Variants in CEP131 observed in about 807,000 individuals in gnomAD.
CEP131 encodes the protein centrosomal protein 131, also known as centrosomal protein of 131 kDa.
Under a neutral mutation model 136.8 loss-of-function variants are expected in CEP131, and 99 were observed. That is an observed-to-expected ratio of 0.72 (90% CI 0.62 to 0.86). The LOEUF (loss-of-function observed/expected upper bound fraction) is 0.86. Ranked by LOEUF, CEP131 falls within the 40% of genes least tolerant of loss-of-function variation. The probability of loss-of-function intolerance (pLI) is 0.00; values close to 1 mark genes in which losing one functional copy is unlikely to be tolerated. For missense variants in CEP131, 1,459 were observed against 1,463.0 expected (o/e 1.00, Z 0.04); for synonymous variants, 646 against 612.7 (o/e 1.05, Z -0.80).
At position 81,199,487 on chromosome 17, in the gene CEP131, A is replaced by C. The variant is rs746587672; in HGVS notation, c.1086T>G (p.Pro362=). Residue 362 remains proline (P), a synonymous_variant, in exon 10 of 26, where the codon CCT becomes CCG. Coordinates refer to ENST00000450824, the MANE Select transcript of CEP131 (RefSeq NM_014984.4). ...GCACTCTGGTCTCCCTGGGATTCTC[A>C]GGTGGCCCACGCTCGGCAGTGCTCG... is the stretch of plus-strand genomic sequence containing the variant. ...QKASTAERGP[P]ENPRETRVPG... 4 of 1,609,100 alleles carry C rather than the reference A, an allele frequency of 2.5e-6. No homozygotes were observed. The African/African-American group carries it at 4.0e-5, about 16-fold the overall frequency.
At position 81,203,192 on chromosome 17, in the gene CEP131, C is replaced by T. The variant is rs762026137; in HGVS notation, c.629+302G>A. Among the ~76,000 whole-genome samples the T allele has an allele frequency of 1.3e-5, 2 of 152,146 alleles. No homozygotes were observed. Among genetic ancestry groups the T allele is most frequent in the Non-Finnish European group, 2.9e-5 (2 of 68,020 alleles). On this transcript the variant is annotated intron_variant, in intron 6 of 25. Transcript: ENST00000450824. The surrounding 1 kb of genome is among the most constrained non-coding windows in gnomAD (Gnocchi z 4.6). ...CCCCACCTCAGGGTGAGCCCCAGAC[C>T]TCACTGTGCCACATCTGGGCTGTTT... is the stretch of plus-strand genomic sequence containing the variant.
chr17:81,217,381 A>G (rs2062271015), intron 2 of CEP131, among the ~76,000 whole-genome samples: 1 of 151,948 alleles, frequency 6.6e-6, no homozygotes, highest in African/African-American at 2.4e-5. Context: ...AAGGTCTCCG[A>G]GCCAGGGGAC....
Position 81,192,351 on chromosome 17 carries a change from C to T in CEP131, c.2589G>A (p.Arg863=), listed in dbSNP as rs1434570727. The T allele has an allele frequency of 1.9e-6, 3 of 1,583,974 alleles. No individual in the cohort carries two copies. Among genetic ancestry groups the T allele is most frequent in the Non-Finnish European group, 2.6e-6 (3 of 1,166,478 alleles). Residue 863 remains arginine, a synonymous_variant, in exon 21 of 26, where the codon AGG becomes AGA. Transcript: ENST00000450824. ...NTLKQQLELE[R]QAWEAGRTRK... is the part of the protein sequence containing the mutation. Reference sequence around the variant, plus strand: ...TGGTGCGGCCGGCCTCCCACGCCTGCCTCTCCAGCTCCAGCTGCTGCTTCA... The same window carrying T: ...TGGTGCGGCCGGCCTCCCACGCCTGTCTCTCCAGCTCCAGCTGCTGCTTCA...
At position 81,203,331 on chromosome 17, in the gene CEP131, C is replaced by T. The variant is rs1441336838; in HGVS notation, c.629+163G>A. Among the ~76,000 whole-genome samples, 1 of 152,176 alleles carries T rather than the reference C, an allele frequency of 6.6e-6. No homozygotes were observed. The highest frequency in any genetic ancestry group is 1.5e-5 in the Non-Finnish European group (1 of 68,030). On this transcript the variant is annotated intron_variant, in intron 6 of 25. Coordinates refer to ENST00000450824, the MANE Select transcript of CEP131 (RefSeq NM_014984.4). The surrounding 1 kb of genome is among the most constrained non-coding windows in gnomAD (Gnocchi z 4.6). The stretch of plus-strand genomic sequence containing the variant: ...TACGTGCACTGACCACGTGCCCTGA[C>T]CGAGGTTGGACCCCATGCACACTGA...
At position 81,215,734 on chromosome 17, in the gene CEP131, A is replaced by G. The variant is rs1425136948; in HGVS notation, c.177+4146T>C. Among the ~76,000 whole-genome samples the G allele has an allele frequency of 6.6e-6, 1 of 152,060 alleles. No homozygotes were observed. Among genetic ancestry groups the G allele is most frequent in the African/African-American group, 2.4e-5 (1 of 41,414 alleles). ...GCCCCCCTTTCAAAATTTTAAATGGACTTATGCTCTGACCCAGTAGTTATC... is the reference window on the plus strand; with the variant it reads ...GCCCCCCTTTCAAAATTTTAAATGGGCTTATGCTCTGACCCAGTAGTTATC... On this transcript the variant is annotated intron_variant, in intron 2 of 25. Coordinates refer to ENST00000450824, the MANE Select transcript of CEP131 (RefSeq NM_014984.4). This position sits in a 1 kb window ranked among gnomAD's most constrained non-coding sequence, Gnocchi z 4.1.
At chr17:81,205,085 C>T (rs1487032630) in intron 5 of CEP131, among the ~76,000 whole-genome samples, 1 of 151,806 alleles carries the variant, frequency 6.6e-6, no homozygotes, top group Non-Finnish European at 1.5e-5. Flanking sequence ...ATAGCGAAAC[C>T]CCGTCTCTAC....
rs1199968691 is a variant in CEP131 at position 81,196,796 on chromosome 17, C to T, written c.1804G>A (p.Val602Ile). The T allele has an allele frequency of 6.3e-7, 1 of 1,589,564 alleles. No homozygotes were observed. Among genetic ancestry groups the T allele is most frequent in the East Asian group, 2.3e-5 (1 of 43,868 alleles). ...AQQRDLTARR[V>I]KETEKALSRQ... Reference sequence around the variant, plus strand: ...CTCAGCGCCTTCTCTGTCTCCTTGACCCGCCGGGCCGTGAGGTCTCGCTGC... The same window carrying T: ...CTCAGCGCCTTCTCTGTCTCCTTGATCCGCCGGGCCGTGAGGTCTCGCTGC... Residue 602 changes from valine (V) to isoleucine (I), a missense_variant, in exon 15 of 26, where the codon GTC becomes ATC. Val to Ile is a conservative substitution (Grantham distance 29). Around this residue, in one of 3 missense-constraint regions of CEP131, gnomAD observed 1,026 missense variants for 964.2 expected, o/e 1.06. Coordinates refer to ENST00000450824, the MANE Select transcript of CEP131 (RefSeq NM_014984.4).
chr17:81,201,196 G>A (rs1239114625), intron 7 of CEP131, among the ~76,000 whole-genome samples: 1 of 152,224 alleles, frequency 6.6e-6, no homozygotes, highest in Non-Finnish European at 1.5e-5. Context: ...TCTGCCCCGG[G>A]CAGAACTGGG....
In CEP131 at chr17:81,203,272, G is replaced by T. The variant is rs1458414544; in HGVS notation, c.629+222C>A. Among the ~76,000 whole-genome samples the T allele has an allele frequency of 6.6e-6, 1 of 152,218 alleles. No homozygotes were observed. The highest frequency in any genetic ancestry group is 6.5e-5 in the Admixed American group (1 of 15,286). On this transcript the variant is annotated intron_variant, in intron 6 of 25. Coordinates refer to ENST00000450824, the MANE Select transcript of CEP131 (RefSeq NM_014984.4). This position sits in a 1 kb window ranked among gnomAD's most constrained non-coding sequence, Gnocchi z 4.6. ...ACAGAAGAGGGCGGCGGACGTGGAT[G>T]GGGAGCCCGGTTCACAGCTGCTCCA...
chr17:81,193,706 G>T (rs530800137), intron 18 of CEP131, among the ~76,000 whole-genome samples: 7 of 152,336 alleles, frequency 4.6e-5, no homozygotes, highest in East Asian at 1.9e-4. Flanking sequence ...AGAACCTGCA[G>T]ACCTCGGCGG....
In CEP131 at chr17:81,198,226, G is replaced by A. The variant is rs1168161741; in HGVS notation, c.1359C>T (p.Ser453=). ...GCAGCAGCTCCTCCAGTGGCCCCCT[G>A]GACTTGGCGCTCCCCCTGCTCGGGG... The part of the protein sequence containing the change: ...MMAPSRGSAK[S]RGPLEELLHT... Residue 453 remains serine, a synonymous_variant, in exon 12 of 26, where the codon TCC becomes TCT. Coordinates refer to ENST00000450824, the MANE Select transcript of CEP131 (RefSeq NM_014984.4). The A allele has an allele frequency of 6.2e-7, 1 of 1,601,126 alleles. No homozygotes were observed. The highest frequency in any genetic ancestry group is 2.3e-5 in the East Asian group (1 of 44,116).
chr17:81,190,802 C>G lies in CEP131; in HGVS notation c.2944G>C (p.Val982Leu), dbSNP rs750388036. ...CGCTCGCTAGAAAGCTGCTCGTTCA[C>G]CTGGGTGGGCACAGAAGGCAGTGAG... ...KERALEDAQA[V>L]NEQLSSERSN... The change falls in exon 24 of 26, where the codon GTG (valine) becomes CTG (leucine). Residue 982 changes from valine to leucine, a missense_variant and splice_region_variant. Val to Leu is a conservative substitution (Grantham distance 32). Coordinates refer to ENST00000450824, the MANE Select transcript of CEP131 (RefSeq NM_014984.4). 6.2e-7 allele frequency: 1 copy of G among 1,605,972 alleles called. No individual in the cohort carries two copies. The highest frequency in any genetic ancestry group is 8.5e-7 in the Non-Finnish European group (1 of 1,175,604).
intron 6 of CEP131, among the ~76,000 whole-genome samples, chr17:81,202,978 AT>A (rs34781811): frequency 0.43 from 64,258 of 150,172 alleles, 14,019 homozygotes; most frequent in Non-Finnish European, 0.48. Flanking sequence ...AAAAAAAAAA[AT>A]TCCATTGAGA....
intron 2 of CEP131, among the ~76,000 whole-genome samples, chr17:81,218,712 A>T (rs560306663): frequency 8.5e-5 from 13 of 152,250 alleles, no homozygotes; most frequent in African/African-American, 3.1e-4. Flanking sequence ...CTTACCCCGG[A>T]ACTCGGCTAG....
chr17:81,200,799 C>A (rs2061874407), intron 7 of CEP131, among the ~76,000 whole-genome samples: 1 of 152,228 alleles, frequency 6.6e-6, no homozygotes, highest in African/African-American at 2.4e-5. Context: ...ACCCTACCCA[C>A]AGGCAACAGG....
In CEP131 at chr17:81,189,648, G is replaced by C; in HGVS notation, c.*121C>G. 1.0e-6 allele frequency: 1 copy of C among 1,002,816 alleles called. No individual in the cohort carries two copies. Among genetic ancestry groups the C allele is most frequent in the Non-Finnish European group, 1.5e-6 (1 of 684,598 alleles). The allele number at this position is 1,002,816 out of a possible 1,614,324, so 62.1% of individuals were successfully genotyped here. ...AAAATGCAGCCACAGGTGCTTAGCCGTGGGCATCTCAACCACCAGCCTCTG... is the reference window on the plus strand; with the variant it reads ...AAAATGCAGCCACAGGTGCTTAGCCCTGGGCATCTCAACCACCAGCCTCTG... On this transcript the variant is annotated 3_prime_UTR_variant, in exon 26 of 26. Coordinates refer to ENST00000450824, the MANE Select transcript of CEP131 (RefSeq NM_014984.4).
intron 16 of CEP131, among the ~76,000 whole-genome samples, chr17:81,195,221 G>A (rs529671760): frequency 9.5e-4 from 144 of 152,364 alleles, no homozygotes; most frequent in Non-Finnish European, 1.8e-3. Context: ...TCAGCCTGCA[G>A]AGGCCTTGCC....
intron 2 of CEP131, among the ~76,000 whole-genome samples, chr17:81,212,332 A>AAAAAAG (rs1555614922): frequency 6.6e-6 from 1 of 150,912 alleles, no homozygotes; most frequent in Non-Finnish European, 1.5e-5. Flanking sequence ...AAAAAAAAAA[A>AAAAAAG]AAAAGAAAAG....
chr17:81,190,722 A>G lies in CEP131; in HGVS notation c.3024T>C (p.Ser1008=), dbSNP rs568563543. Reference sequence around the variant, plus strand: ...CCTTGGCCTGCCGCGTCTCCTCCTCAGAGGCTGCCAGCCGGTCCTCGAACT... The same window carrying G: ...CCTTGGCCTGCCGCGTCTCCTCCTCGGAGGCTGCCAGCCGGTCCTCGAACT... ...RQEFEDRLAA[S]EEETRQAKAE... is the part of the protein sequence containing the mutation. Residue 1008 remains serine, a synonymous_variant, in exon 24 of 26, where the codon TCT becomes TCC. Coordinates refer to ENST00000450824, the MANE Select transcript of CEP131 (RefSeq NM_014984.4). The G allele has an allele frequency of 2.7e-5, 43 of 1,610,550 alleles. 1 individual carries two copies. Among genetic ancestry groups the G allele is most frequent in the Admixed American group, 8.3e-5 (5 of 59,900 alleles).
Sources: allele counts gnomAD v4.1 joint callset (sites outside exome capture counted in the v4.1 genomes callset), GRCh38; gene constraint gnomAD v4.1.1; regional missense constraint gnomAD v4.1.1; non-coding constraint Gnocchi (gnomAD v3.1); transcripts MANE v1.5; gene names NCBI Gene and HGNC (gene_info 2026-07-23, HGNC 2026-07-21).